The following RAB22A variants were observed in gnomAD, a reference collection of about 807,000 sequenced individuals.
RAB22A encodes the protein RAB22A, member RAS oncogene family.
RAB22A carries 13 observed loss-of-function variants against 30.2 expected under a neutral mutation model. That is an observed-to-expected ratio of 0.43 (90% confidence interval 0.28 to 0.68). RAB22A has a LOEUF of 0.68. Among genes scored for constraint, RAB22A ranks in the 30% least tolerant of loss-of-function variants. The pLI is 0.18. For missense variants in RAB22A, 177 were observed against 246.8 expected (o/e 0.72, Z 1.89); for synonymous variants, 89 against 87.2 (o/e 1.02, Z -0.11).
At chr20:58,315,578 G>A (rs1568863513) in intron 2 of RAB22A, among the ~76,000 whole-genome samples, 1 of 151,814 alleles carries the variant, frequency 6.6e-6, no homozygotes, top group Non-Finnish European at 1.5e-5. Context: ...TCATAGCCCT[G>A]CCTACCTTAT....
At chr20:58,354,405 A>G in intron 6 of RAB22A, 140 bp downstream of exon 6, 1 of 586,854 alleles carries the variant, frequency 1.7e-6, no homozygotes. Context: ...GGAGAAGGTA[A>G]GAGTAATGTC....
rs574921454 is a variant in RAB22A, at chr20:58,322,137, A to G, written c.116+11015A>G. 1.3e-4 allele frequency among the ~76,000 whole-genome samples: 20 copies of G among 152,316 alleles called. No homozygotes were observed. In the East Asian group the frequency reaches 1.7e-3, roughly 13 times the overall value. On this transcript the variant is annotated intron_variant, in intron 2 of 6. Coordinates refer to ENST00000244040, the MANE Select transcript of RAB22A (RefSeq NM_020673.3). ...TCTTGATGACCCTTTTACAAACGTC[A>G]TGAAATGTCTCTCTTTTGTCCCTGG...
Position 58,365,292 on chromosome 20 carries a change from C to T in RAB22A, c.*5589C>T, listed in dbSNP as rs1440356497. On this transcript the variant is annotated 3_prime_UTR_variant, in exon 7 of 7. Transcript: ENST00000244040. Reference sequence around the variant, plus strand: ...AACGTCATCTTGTAGAAGAGCTGGGCATACCTCTTCCTCTAGGCCAATTCA... The same window carrying T: ...AACGTCATCTTGTAGAAGAGCTGGGTATACCTCTTCCTCTAGGCCAATTCA... The T allele has an allele frequency of 6.6e-6, 1 of 152,206 alleles. No homozygotes were observed. The highest frequency in any genetic ancestry group is 1.9e-4 in the East Asian group (1 of 5,184). 9.4% of individuals were successfully genotyped at this position (152,206 alleles called of 1,614,324 possible). A position where few individuals can be genotyped will look rare whatever the true frequency, so the allele number is the denominator to read the frequency against.
chr20:58,337,246 A>G (rs1256969075), intron 2 of RAB22A, among the ~76,000 whole-genome samples: 5 of 152,226 alleles, frequency 3.3e-5, no homozygotes, highest in Non-Finnish European at 5.9e-5. Context: ...ATTCATTTCC[A>G]TACCTTTTTC....
At chr20:58,321,737 AACAT>A (rs1292695155) in intron 2 of RAB22A, among the ~76,000 whole-genome samples, 25 of 123,154 alleles carry the variant, frequency 2.0e-4, no homozygotes, top group African/African-American at 9.3e-4. Flanking sequence ...ATTTTTATAT[AACAT>A]ACATGTCATG....
intron 2 of RAB22A, among the ~76,000 whole-genome samples, chr20:58,322,884 T>G (rs1986487563): frequency 1.3e-5 from 2 of 152,192 alleles, no homozygotes; most frequent in South Asian, 4.1e-4. Flanking sequence ...TCATACTAAG[T>G]CTTACTGTCC....
intron 2 of RAB22A, among the ~76,000 whole-genome samples, chr20:58,334,180 A>AC (rs1367296007): frequency 3.3e-5 from 5 of 151,938 alleles, no homozygotes; most frequent in Non-Finnish European, 2.9e-5. Flanking sequence ...AAAACACAAA[A>AC]AAACATTAGC....
chr20:58,354,830 T>G (rs992459641), intron 6 of RAB22A, among the ~76,000 whole-genome samples: 1 of 152,198 alleles, frequency 6.6e-6, no homozygotes, highest in Non-Finnish European at 1.5e-5. Flanking sequence ...TGTTCCAGGC[T>G]CAGGGGAAAT....
Position 58,359,888 on chromosome 20 carries a change from C to T in RAB22A, c.*185C>T. 2.3e-6 allele frequency: 1 copy of T among 440,602 alleles called. No homozygotes were observed. The highest frequency in any genetic ancestry group is 4.1e-6 in the Non-Finnish European group (1 of 245,458). The allele number at this position is 440,602 out of a possible 1,614,324, so 27.3% of individuals were successfully genotyped here. A position where few individuals can be genotyped will look rare whatever the true frequency, so the allele number is the denominator to read the frequency against. On this transcript the variant is annotated 3_prime_UTR_variant, in exon 7 of 7. Transcript: ENST00000244040. ...CAGCAATGATATTTCAGTCTGTGAA[C>T]TTCTATTATGTAAAGAATCTCTAGT...
At chr20:58,358,549 G>T (rs1008915707) in intron 6 of RAB22A, among the ~76,000 whole-genome samples, 2 of 152,124 alleles carry the variant, frequency 1.3e-5, no homozygotes, top group Admixed American at 6.5e-5. Flanking sequence ...ATAGAGAAAT[G>T]GTTAAATGAA....
intron 2 of RAB22A, among the ~76,000 whole-genome samples, chr20:58,315,994 T>A (rs1986329518): frequency 6.6e-6 from 1 of 152,112 alleles, no homozygotes; most frequent in Non-Finnish European, 1.5e-5. Flanking sequence ...TTTTTGTTGC[T>A]CACTTCCTCC....
chr20:58,321,361 T>C (rs1021855364), intron 2 of RAB22A, among the ~76,000 whole-genome samples: 2 of 151,746 alleles, frequency 1.3e-5, no homozygotes, highest in African/African-American at 4.8e-5. Flanking sequence ...GAGAACTCCG[T>C]GTCAAAAAAA....
At chr20:58,324,554 C>T (rs1986521445) in intron 2 of RAB22A, among the ~76,000 whole-genome samples, 2 of 152,108 alleles carry the variant, frequency 1.3e-5, no homozygotes, top group Non-Finnish European at 2.9e-5. Context: ...TTTCAGTCCT[C>T]CTCGGTTGTA....
chr20:58,321,683 G>A (rs528320991), intron 2 of RAB22A, among the ~76,000 whole-genome samples: 19 of 152,140 alleles, frequency 1.2e-4, no homozygotes, highest in Admixed American at 7.9e-4. Context: ...ATGTTTCGAA[G>A]CTTTCGTTAT....
intron 2 of RAB22A, among the ~76,000 whole-genome samples, chr20:58,335,356 G>T (rs1048238949): frequency 6.6e-6 from 1 of 152,112 alleles, no homozygotes; most frequent in Non-Finnish European, 1.5e-5. Flanking sequence ...ATTCTCCAAG[G>T]TTGGCACTTG....
chr20:58,341,070 A>G (rs1389684138), intron 2 of RAB22A, among the ~76,000 whole-genome samples: 1 of 152,212 alleles, frequency 6.6e-6, no homozygotes, highest in African/African-American at 2.4e-5. Flanking sequence ...ACTCAGCAAA[A>G]GTCAGAAAAA....
intron 2 of RAB22A, 23 bp from the exon 3 acceptor site, chr20:58,343,695 A>T (rs1418283747): frequency 1.3e-6 from 2 of 1,562,988 alleles, no homozygotes. Context: ...TTGTATTCTG[A>T]TCATTTAGGT....
intron 2 of RAB22A, among the ~76,000 whole-genome samples, chr20:58,317,232 G>T (rs1350933167): frequency 6.6e-6 from 1 of 152,062 alleles, no homozygotes; most frequent in Admixed American, 6.6e-5. Context: ...GAGTAGCTGG[G>T]ATTACAGGCA....
In RAB22A at chr20:58,363,658, A is replaced by G. The variant is rs1987267390; in HGVS notation, c.*3955A>G. ...GGGACAGTTTTACCGTTCAACTTCA[A>G]GAGTTTTTCTACCTCTTTAACAGTT... On this transcript the variant is annotated 3_prime_UTR_variant, in exon 7 of 7. Transcript: ENST00000244040. The G allele has an allele frequency of 6.6e-6, 1 of 152,240 alleles. No individual in the cohort carries two copies. The highest frequency in any genetic ancestry group is 2.1e-4 in the South Asian group (1 of 4,834). The allele number at this position is 152,240 out of a possible 1,614,324, so 9.4% of individuals were successfully genotyped here. A position where few individuals can be genotyped will look rare whatever the true frequency, so the allele number is the denominator to read the frequency against.
Sources: gnomAD v4.1 joint callset for allele counts (sites outside exome capture counted in the v4.1 genomes callset) on GRCh38, gnomAD v4.1.1 for gene constraint, MANE v1.5 for transcripts, NCBI Gene and HGNC (gene_info 2026-07-23, HGNC 2026-07-21) for gene names.